CDH18: variants seen among roughly 807,000 people sequenced by gnomAD.
CDH18 encodes cadherin-18.
A neutral mutation model predicts 67.9 loss-of-function variants in CDH18; 31 were observed. The observed-to-expected ratio is 0.46, with a 90% CI of 0.34 to 0.62. The LOEUF (loss-of-function observed/expected upper bound fraction) is 0.62. CDH18 is among the 20% of genes least tolerant of loss of function. CDH18 has a pLI of 0.01. For synonymous variants in CDH18, 362 were observed against 347.2 expected (o/e 1.04, Z -0.48); for missense variants, 890 against 975.5 (o/e 0.91, Z 1.17).
At chr5:20,522,297 C>T (rs151086987) in intron 1 of CDH18, among the ~76,000 whole-genome samples, 1 of 152,094 alleles carries the variant, frequency 6.6e-6, no homozygotes, top group Non-Finnish European at 1.5e-5. Flanking sequence ...TATTACAGTA[C>T]CCCTAGCAAA....
chr5:20,187,962 C>A (rs906694705), intron 2 of CDH18, among the ~76,000 whole-genome samples: 1 of 151,408 alleles, frequency 6.6e-6, no homozygotes, highest in Non-Finnish European at 1.5e-5. Flanking sequence ...CTAAAAATTG[C>A]CAACTGAATA....
At chr5:20,007,003 A>C (rs984796258) in intron 2 of CDH18, among the ~76,000 whole-genome samples, 1 of 151,980 alleles carries the variant, frequency 6.6e-6, no homozygotes, top group South Asian at 2.1e-4. Context: ...TATTGAGTTA[A>C]ATTTTTTTAG....
intron 2 of CDH18, among the ~76,000 whole-genome samples, chr5:20,088,968 C>T (rs552167908): frequency 6.6e-6 from 1 of 152,066 alleles, no homozygotes; most frequent in East Asian, 1.9e-4. Flanking sequence ...ATTTGGGACC[C>T]CTCCTGGTTT....
intron 2 of CDH18, among the ~76,000 whole-genome samples, chr5:20,105,231 C>G (rs990887904): frequency 1.3e-5 from 2 of 152,188 alleles, no homozygotes; most frequent in Admixed American, 1.3e-4. Context: ...AGCTGATCCA[C>G]CTGCCTAGGC....
At chr5:20,206,996 C>T (rs1313456029) in intron 2 of CDH18, among the ~76,000 whole-genome samples, 6 of 151,592 alleles carry the variant, frequency 4.0e-5, no homozygotes, top group African/African-American at 1.5e-4. Flanking sequence ...CCAGCTAGAA[C>T]AATTTTTTTA....
chr5:20,115,255 C>T (rs542072446), intron 2 of CDH18, among the ~76,000 whole-genome samples: 2 of 141,914 alleles, frequency 1.4e-5, no homozygotes, highest in South Asian at 2.3e-4. Context: ...TGGGGCTCCA[C>T]TCTCAGGGCC....
chr5:20,221,494 C>T (rs1452090690), intron 2 of CDH18, among the ~76,000 whole-genome samples: 8 of 151,680 alleles, frequency 5.3e-5, no homozygotes. Context: ...GGGGGAGTGG[C>T]GATGGTTATT....
intron 2 of CDH18, among the ~76,000 whole-genome samples, chr5:20,023,487 G>A (rs111294944): frequency 0.016 from 2,427 of 151,848 alleles, 79 homozygotes; most frequent in African/African-American, 0.055. Context: ...GTGAAACCCC[G>A]TCTCTACTAA....
chr5:19,817,191 T>C (rs146152215), intron 3 of CDH18, among the ~76,000 whole-genome samples: 22 of 151,996 alleles, frequency 1.4e-4, no homozygotes, highest in Non-Finnish European at 2.7e-4. Flanking sequence ...TCACCCATCA[T>C]GTTTGCATAA....
chr5:20,309,455 T>C (rs1196486499), intron 1 of CDH18, among the ~76,000 whole-genome samples: 3 of 152,144 alleles, frequency 2.0e-5, no homozygotes, highest in East Asian at 1.9e-4. Context: ...AAAGAGAATA[T>C]AGATTAAAAT....
At chr5:20,430,794 T>C (rs1748677198) in intron 1 of CDH18, among the ~76,000 whole-genome samples, 1 of 152,146 alleles carries the variant, frequency 6.6e-6, no homozygotes, top group African/African-American at 2.4e-5. Context: ...CCATGTGAAG[T>C]ATTTAATTTA....
chr5:19,759,833 G>T (rs546462542), intron 3 of CDH18, among the ~76,000 whole-genome samples: 1 of 152,216 alleles, frequency 6.6e-6, no homozygotes, highest in Admixed American at 6.5e-5. Flanking sequence ...TTCTTCAAGG[G>T]GACCTCGCCT....
At chr5:19,894,807 A>G (rs1789131801) in intron 2 of CDH18, among the ~76,000 whole-genome samples, 1 of 152,108 alleles carries the variant, frequency 6.6e-6, no homozygotes, top group South Asian at 2.1e-4. Flanking sequence ...ATGTTAGTGA[A>G]CATCAAAGAG....
intron 2 of CDH18, among the ~76,000 whole-genome samples, chr5:19,842,360 C>T (rs1030817435): frequency 6.6e-6 from 1 of 152,088 alleles, no homozygotes; most frequent in African/African-American, 2.4e-5. Context: ...GGGGGCTGCT[C>T]CCCCATGCTG....
intron 1 of CDH18, among the ~76,000 whole-genome samples, chr5:20,399,101 G>A (rs1745547746): frequency 6.6e-6 from 1 of 152,056 alleles, no homozygotes; most frequent in Admixed American, 6.6e-5. Context: ...GTCTGATCAC[G>A]GCATCTCGGT....
intron 2 of CDH18, among the ~76,000 whole-genome samples, chr5:20,155,829 G>GGAC (rs781244230): frequency 6.6e-6 from 1 of 152,030 alleles, no homozygotes; most frequent in East Asian, 1.9e-4. Context: ...ATTGAATAGG[G>GGAC]TGTCCTTTCA....
intron 11 of CDH18, among the ~76,000 whole-genome samples, chr5:19,492,608 A>T (rs574002501): frequency 6.6e-6 from 1 of 152,152 alleles, no homozygotes; most frequent in Admixed American, 6.5e-5. Flanking sequence ...TACAACTTTA[A>T]ATGCTCTAAC....
intron 4 of CDH18, among the ~76,000 whole-genome samples, chr5:19,733,722 G>C (rs1236032303): frequency 6.6e-6 from 1 of 152,118 alleles, no homozygotes; most frequent in East Asian, 1.9e-4. Flanking sequence ...GCAAGAGCAG[G>C]GTAAAAGGCT....
At chr5:20,176,787 T>C (rs1737269729) in intron 2 of CDH18, among the ~76,000 whole-genome samples, 1 of 152,190 alleles carries the variant, frequency 6.6e-6, no homozygotes, top group Non-Finnish European at 1.5e-5. Flanking sequence ...AATGGTGACT[T>C]GGAAGTTCTT....
Sources: allele counts gnomAD v4.1 joint callset (sites outside exome capture counted in the v4.1 genomes callset), GRCh38; gene constraint gnomAD v4.1.1; transcripts MANE v1.5; gene names NCBI Gene and HGNC (gene_info 2026-07-23, HGNC 2026-07-21).